CAPZA1: variants seen among roughly 807,000 people sequenced by gnomAD.
CAPZA1 encodes capping actin protein of muscle Z-line subunit alpha 1.
In CAPZA1, 10 loss-of-function variants were observed where a neutral mutation model predicts 40.8. That is an observed-to-expected ratio of 0.25 (90% confidence interval 0.15 to 0.42). CAPZA1 has a LOEUF of 0.42. CAPZA1 is among the 10% of genes least tolerant of loss of function. The pLI, the probability that CAPZA1 is intolerant of heterozygous loss-of-function variation, is 1.00. For missense variants in CAPZA1, 277 were observed against 353.8 expected, an observed-to-expected ratio of 0.78 and a Z score of 1.74; for synonymous variants, 98 against 115.0, an observed-to-expected ratio of 0.85 and a Z score of 0.95.
intron 7 of CAPZA1, 130 bp from the exon 8 acceptor site, chr1:112,666,944 T>C: frequency 1.6e-6 from 1 of 606,824 alleles, no homozygotes; most frequent in Non-Finnish European, 3.0e-6. Flanking sequence ...ACTGCTTATA[T>C]TAATTATTTG....
At chr1:112,667,670 A>G (rs751291731) in intron 8 of CAPZA1, among the ~76,000 whole-genome samples, 1 of 151,804 alleles carries the variant, frequency 6.6e-6, no homozygotes, top group Non-Finnish European at 1.5e-5. Context: ...AGTAGCTGGG[A>G]CCACAGGTGC....
Position 112,659,456 on chromosome 1 carries a change from G to T in CAPZA1, c.507-245G>T, listed in dbSNP as rs1210896495. On this transcript the variant is annotated intron_variant, in intron 6 of 9. Transcript: ENST00000263168. ...ATAGGCATGGTTTTCCATTTCAAGG[G>T]AAAAAAGGAAAAATGAAAGACAAAA... 7.5e-6 allele frequency: 4 copies of T among 535,536 alleles called. No individual in the cohort carries two copies. In the East Asian group the frequency reaches 1.2e-4, roughly 16 times the overall value. 33.2% of individuals were successfully genotyped at this position (535,536 alleles called of 1,614,324 possible).
rs1435022087 is a variant in CAPZA1, at chr1:112,627,355, T to G, written c.39+7472T>G. Among the ~76,000 whole-genome samples the G allele has an allele frequency of 2.6e-5, 4 of 152,098 alleles. No homozygotes were observed. The East Asian group carries it at 7.7e-4, about 29-fold the overall frequency. On this transcript the variant is annotated intron_variant, in intron 1 of 9. Coordinates refer to ENST00000263168, the MANE Select transcript of CAPZA1 (RefSeq NM_006135.3). ...GTGGTCCTGATTGCATTATAATTGTTGCTGAATGGCCAGGTGCGGTGGTTC... is the reference window on the plus strand; with the variant it reads ...GTGGTCCTGATTGCATTATAATTGTGGCTGAATGGCCAGGTGCGGTGGTTC...
chr1:112,669,555 A>G lies in CAPZA1; in HGVS notation c.670A>G (p.Thr224Ala). 6.2e-7 allele frequency: 1 copy of G among 1,610,792 alleles called. No individual in the cohort carries two copies. The highest frequency in any genetic ancestry group is 1.1e-5 in the South Asian group (1 of 90,760). ...CTTCCTTCATTAGAATGAAGCCCAA[A>G]CTGCCAAGGAGTTTATTAAAATCAT... ...DSLTVSNEAQ[T>A]AKEFIKIIEN... Residue 224 changes from threonine (T) to alanine (A), a missense_variant, in exon 9 of 10, where the codon ACT becomes GCT. Thr to Ala is a moderately conservative substitution (Grantham distance 58). Coordinates refer to ENST00000263168, the MANE Select transcript of CAPZA1 (RefSeq NM_006135.3).
chr1:112,668,028 G>A (rs1399938917), intron 8 of CAPZA1, among the ~76,000 whole-genome samples: 2 of 151,756 alleles, frequency 1.3e-5, no homozygotes, highest in East Asian at 2.0e-4. Flanking sequence ...GCTCACACCT[G>A]TAATCCCAGC....
chr1:112,629,745 A>G (rs868434484), intron 1 of CAPZA1, among the ~76,000 whole-genome samples: 1 of 152,238 alleles, frequency 6.6e-6, no homozygotes, highest in Non-Finnish European at 1.5e-5. Flanking sequence ...CATTACTGCT[A>G]TCTGACTTAC....
chr1:112,655,037 G>A (rs1181907386), intron 5 of CAPZA1, among the ~76,000 whole-genome samples: 1 of 151,452 alleles, frequency 6.6e-6, no homozygotes, highest in African/African-American at 2.4e-5. Context: ...GATCTAAAAG[G>A]TCTTTGGTTT....
At chr1:112,619,967 T>A (rs1393363434) in intron 1 of CAPZA1, 84 bp downstream of exon 1, 2 of 1,136,150 alleles carry the variant, frequency 1.8e-6, no homozygotes, top group Admixed American at 4.5e-5. Flanking sequence ...CCTAGCAGTG[T>A]CCCCAGGAAA....
At chr1:112,659,218 T>C (rs1457123718) in intron 6 of CAPZA1, 117 bp downstream of exon 6, 2 of 698,032 alleles carry the variant, frequency 2.9e-6, no homozygotes, top group Non-Finnish European at 5.1e-6. Flanking sequence ...GTTTTCCATC[T>C]ATAAATGAGG....
At chr1:112,661,894 A>G (rs923465078) in intron 7 of CAPZA1, among the ~76,000 whole-genome samples, 9 of 152,352 alleles carry the variant, frequency 5.9e-5, no homozygotes, top group African/African-American at 1.9e-4. Flanking sequence ...TCATTTACAT[A>G]TCTTTTAAAT....
chr1:112,620,209 T>A, intron 1 of CAPZA1: 1 of 257,306 alleles, frequency 3.9e-6, no homozygotes, highest in Non-Finnish European at 7.4e-6. Flanking sequence ...GTGGTTATGT[T>A]GCGACATATC....
At chr1:112,645,910 A>G (rs1483109674) in intron 1 of CAPZA1, among the ~76,000 whole-genome samples, 1 of 151,768 alleles carries the variant, frequency 6.6e-6, no homozygotes, top group Non-Finnish European at 1.5e-5. Flanking sequence ...GCAGTGAGCT[A>G]TGATCACACC....
At chr1:112,640,111 A>T in intron 1 of CAPZA1, among the ~76,000 whole-genome samples, 1 of 56,314 alleles carries the variant, frequency 1.8e-5, no homozygotes, top group South Asian at 7.1e-4. Context: ...CCCTCTGCCC[A>T]GCCAGCCGCC....
intron 1 of CAPZA1, among the ~76,000 whole-genome samples, chr1:112,621,340 C>CTT (rs1670654915): frequency 6.6e-6 from 1 of 151,736 alleles, no homozygotes; most frequent in East Asian, 1.9e-4. Flanking sequence ...CAACTTCCGC[C>CTT]TCCCTGGTTC....
chr1:112,668,499 G>T (rs918388353), intron 8 of CAPZA1, among the ~76,000 whole-genome samples: 1 of 152,030 alleles, frequency 6.6e-6, no homozygotes, highest in African/African-American at 2.4e-5. Context: ...TTGCTTGTTT[G>T]TTTGTTTTTT....
In CAPZA1 at chr1:112,653,642, T is replaced by C. The variant is rs758329176; in HGVS notation, c.200T>C (p.Ile67Thr). ...YNMDQFTPVKIEGYEDQVLIT... is the reference protein window; with the variant it reads ...YNMDQFTPVKTEGYEDQVLIT... Reference sequence around the variant, plus strand: ...ATGGATCAGTTCACGCCTGTGAAGATAGAAGGATATGAAGATCAGGTAATA... The same window carrying C: ...ATGGATCAGTTCACGCCTGTGAAGACAGAAGGATATGAAGATCAGGTAATA... The change falls in exon 4 of 10, where the codon ATA (isoleucine) becomes ACA (threonine). Residue 67 changes from isoleucine to threonine, a missense_variant. This residue lies in a region of CAPZA1 where 192 missense variants were observed against 277.2 expected (regional missense o/e 0.69). Transcript: ENST00000263168. 2.7e-5 allele frequency: 43 copies of C among 1,602,532 alleles called. No homozygotes were observed. Among genetic ancestry groups the C allele is most frequent in the Admixed American group, 5.1e-5 (3 of 58,834 alleles).
At chr1:112,655,491 CA>C (rs1257810231) in intron 5 of CAPZA1, among the ~76,000 whole-genome samples, 3 of 72,190 alleles carry the variant, frequency 4.2e-5, no homozygotes, top group Non-Finnish European at 9.3e-5. Context: ...AAACAAAAAA[CA>C]AAAAAAACCA....
At chr1:112,643,122 G>C (rs1160110920) in intron 1 of CAPZA1, among the ~76,000 whole-genome samples, 1 of 152,108 alleles carries the variant, frequency 6.6e-6, no homozygotes, top group Non-Finnish European at 1.5e-5. Flanking sequence ...ATTAAAAGTA[G>C]GATTACTGAT....
At chr1:112,660,268 T>C (rs1031555563) in intron 7 of CAPZA1, among the ~76,000 whole-genome samples, 2 of 151,670 alleles carry the variant, frequency 1.3e-5, no homozygotes, top group African/African-American at 4.8e-5. Context: ...GATTGATTGA[T>C]TGATTGATTG....
Sources: gnomAD v4.1 joint callset for allele counts (sites outside exome capture counted in the v4.1 genomes callset) on GRCh38, gnomAD v4.1.1 for gene constraint, gnomAD v4.1.1 regional missense constraint, MANE v1.5 for transcripts, NCBI Gene and HGNC (gene_info 2026-07-23, HGNC 2026-07-21) for gene names.